Variants in NPHS1 observed in about 807,000 individuals in gnomAD.
The protein encoded by NPHS1 is nephrin.
In NPHS1, 107 loss-of-function variants were observed where a neutral mutation model predicts 139.7. The observed-to-expected ratio is 0.77, with a 90% CI of 0.66 to 0.90. The LOEUF (loss-of-function observed/expected upper bound fraction) is 0.90. Ranked by LOEUF, NPHS1 falls within the 40% of genes least tolerant of loss-of-function variation. The probability of loss-of-function intolerance (pLI) is 0.00; values close to 1 mark genes in which losing one functional copy is unlikely to be tolerated. For synonymous variants in NPHS1, 707 were observed against 706.6 expected, an observed-to-expected ratio of 1.00 and a Z score of -0.01; for missense variants, 1,580 against 1,654.2, an observed-to-expected ratio of 0.96 and a Z score of 0.78.
rs777792087 is a variant in NPHS1, at chr19:35,845,731, C to T, written c.1695G>A (p.Leu565=). The T allele has an allele frequency of 6.2e-7, 1 of 1,614,144 alleles. No individual in the cohort carries two copies. Among genetic ancestry groups the T allele is most frequent in the Admixed American group, 1.7e-5 (1 of 60,032 alleles). The change falls in exon 13 of 29, where the codon TTG becomes TTA. Residue 565 remains leucine (L), a synonymous_variant. Transcript: ENST00000378910. This position sits in a 1 kb window ranked among gnomAD's most constrained non-coding sequence, Gnocchi z 5.5. ...SALRPGDALN[L]TCVSVSSNPP... ...GATTGCTGCTGACGCTGACGCATGT[C>T]AAGTTTAAGGCGTCTCCCGGGCGCA...
rs1176615732 is a variant in NPHS1 at position 35,839,603 on chromosome 19, G to A, written c.2820C>T (p.Arg940=). The change falls in exon 21 of 29, where the codon CGC becomes CGT. Residue 940 remains arginine (R), a synonymous_variant. Coordinates refer to ENST00000378910, the MANE Select transcript of NPHS1 (RefSeq NM_004646.4). ...CCTTTAATCCTGATGGAGGGTCAGGGCGGCCTATGGGGAGAAAGATGGGAA... is the reference window on the plus strand; with the variant it reads ...CCTTTAATCCTGATGGAGGGTCAGGACGGCCTATGGGGAGAAAGATGGGAA... The part of the protein sequence containing the change: ...QTNIQLVSIS[R]PDPPSGLKVV... 1 of 1,613,440 alleles carries A rather than the reference G, an allele frequency of 6.2e-7. No individual in the cohort carries two copies. Among genetic ancestry groups the A allele is most frequent in the South Asian group, 1.1e-5 (1 of 91,062 alleles).
intron 28 of NPHS1, among the ~76,000 whole-genome samples, chr19:35,829,279 G>A (rs1315874867): frequency 6.6e-6 from 1 of 152,234 alleles, no homozygotes; most frequent in African/African-American, 2.4e-5. Flanking sequence ...GACCAATTAA[G>A]TGTCAGCATT....
At chr19:35,833,695 A>G (rs1314926000) in intron 23 of NPHS1, among the ~76,000 whole-genome samples, 1 of 151,378 alleles carries the variant, frequency 6.6e-6, no homozygotes, top group African/African-American at 2.4e-5. Context: ...ATATACCAAG[A>G]CTTTTTCTTT....
Position 35,841,676 on chromosome 19 carries a change from G to A in NPHS1, c.2815+39C>T, listed in dbSNP as rs773901383. 10 of 1,612,156 alleles carry A rather than the reference G, an allele frequency of 6.2e-6. No individual in the cohort carries two copies. In the African/African-American group the frequency reaches 1.3e-4, roughly 22 times the overall value. Reference sequence around the variant, plus strand: ...TCAGGGATGTGGGAATGGATCCAGGGAGCACCCCCTCCCCAACACCCTCAC... The same window carrying A: ...TCAGGGATGTGGGAATGGATCCAGGAAGCACCCCCTCCCCAACACCCTCAC... On this transcript the variant is annotated intron_variant, in intron 20 of 28. Coordinates refer to ENST00000378910, the MANE Select transcript of NPHS1 (RefSeq NM_004646.4).
Position 35,845,549 on chromosome 19 carries a change from C to G in NPHS1, c.1758-9G>C. On this transcript the variant is annotated splice_polypyrimidine_tract_variant and intron_variant, in intron 13 of 28. Coordinates refer to ENST00000378910, the MANE Select transcript of NPHS1 (RefSeq NM_004646.4). This position sits in a 1 kb window ranked among gnomAD's most constrained non-coding sequence, Gnocchi z 5.5. ...CGGCCACGCCCTCCAGCCTGTGGAA[C>G]CGGGGTCAAGCCAGGGCTGCGAGCG... is the stretch of plus-strand genomic sequence containing the variant. 1.2e-6 allele frequency: 2 copies of G among 1,611,618 alleles called. No homozygotes were observed. The highest frequency in any genetic ancestry group is 2.2e-5 in the South Asian group (2 of 90,784).
At chr19:35,850,918 A>G in intron 4 of NPHS1, 43 bp downstream of exon 4, 1 of 1,611,844 alleles carries the variant, frequency 6.2e-7, no homozygotes, top group Non-Finnish European at 8.5e-7. Context: ...CCCACTCCAG[A>G]GGCTTCATGC....
In NPHS1 at chr19:35,845,376, T is replaced by C. The variant is rs780755890; in HGVS notation, c.1922A>G (p.Asn641Ser). The C allele has an allele frequency of 4.3e-6, 7 of 1,614,088 alleles. No individual in the cohort carries two copies. The highest frequency in any genetic ancestry group is 2.2e-5 in the East Asian group (1 of 44,902). Residue 641 changes from asparagine (N) to serine (S), a missense_variant, in exon 14 of 29, where the codon AAC becomes AGC. Physicochemically the swap from Asn to Ser is conservative, Grantham distance 46. Transcript: ENST00000378910. This position sits in a 1 kb window ranked among gnomAD's most constrained non-coding sequence, Gnocchi z 5.5. ...RETVSSFYRLNVLYRPEFLGE... is the reference protein window; with the variant it reads ...RETVSSFYRLSVLYRPEFLGE... Reference sequence around the variant, plus strand: ...CAGGCCGGGGCACATACACAGTACGTTGAGGCGATAGAAGGAGCTCACGGT... The same window carrying C: ...CAGGCCGGGGCACATACACAGTACGCTGAGGCGATAGAAGGAGCTCACGGT...
chr19:35,843,084 C>A (rs1450880438), intron 17 of NPHS1, among the ~76,000 whole-genome samples: 2 of 152,138 alleles, frequency 1.3e-5, no homozygotes, highest in African/African-American at 4.8e-5. Context: ...AGATATCTTT[C>A]CTCTGATGGT....
intron 23 of NPHS1, among the ~76,000 whole-genome samples, chr19:35,834,673 T>C (rs997467604): frequency 4.0e-5 from 6 of 150,456 alleles, no homozygotes; most frequent in African/African-American, 1.5e-4. Flanking sequence ...GGGTGAATCA[T>C]GAGGTCAGGA....
intron 20 of NPHS1, among the ~76,000 whole-genome samples, 176 bp downstream of exon 20, chr19:35,841,539 T>G (rs1461946533): frequency 6.6e-6 from 1 of 152,152 alleles, no homozygotes; most frequent in African/African-American, 2.4e-5. Flanking sequence ...GCCTTTGTTG[T>G]GGGTCTTCCT....
chr19:35,831,697 C>A lies in NPHS1; in HGVS notation c.3232G>T (p.Ala1078Ser). 6.2e-7 allele frequency: 1 copy of A among 1,605,666 alleles called. No individual in the cohort carries two copies. Among genetic ancestry groups the A allele is most frequent in the Non-Finnish European group, 8.5e-7 (1 of 1,176,422 alleles). Residue 1078 changes from alanine to serine, a missense_variant, in exon 24 of 29, where the codon GCC becomes TCC. Ala to Ser is a moderately conservative substitution (Grantham distance 99, BLOSUM62 1). Transcript: ENST00000378910. ...ALGGLLLLSN[A>S]SCVGGVLWQR... ...CAGAGGACCCCCCCGACACAGGAGG[C>A]ATTGGAGAGGAGCAGAAGCCCCCCA...
In NPHS1 at chr19:35,839,489, G is replaced by A; in HGVS notation, c.2927+7C>T. The A allele has an allele frequency of 6.2e-7, 1 of 1,613,744 alleles. No homozygotes were observed. Among genetic ancestry groups the A allele is most frequent in the South Asian group, 1.1e-5 (1 of 91,066 alleles). ...TTCCCTTCCCTCCTGCCTCGACAAG[G>A]ACCCACCTGATGCAGAACCTCTGTG... On this transcript the variant is annotated splice_region_variant and intron_variant, in intron 21 of 28. Transcript: ENST00000378910.
At chr19:35,836,562 T>G (rs1972964708) in intron 22 of NPHS1, among the ~76,000 whole-genome samples, 1 of 152,064 alleles carries the variant, frequency 6.6e-6, no homozygotes, top group Non-Finnish European at 1.5e-5. Flanking sequence ...AGGAGGCAAG[T>G]GTCATACTTT....
At chr19:35,834,953 T>C (rs1201076239) in intron 23 of NPHS1, among the ~76,000 whole-genome samples, 2 of 150,514 alleles carry the variant, frequency 1.3e-5, no homozygotes, top group African/African-American at 2.4e-5. Flanking sequence ...ATCCCAGCAC[T>C]TTGGGAAGCT....
chr19:35,835,484 A>G (rs1205929669), intron 23 of NPHS1, among the ~76,000 whole-genome samples: 1 of 151,702 alleles, frequency 6.6e-6, no homozygotes, highest in African/African-American at 2.4e-5. Context: ...TTTTGCAAAG[A>G]TGGAGTCTTG....
intron 14 of NPHS1, among the ~76,000 whole-genome samples, chr19:35,844,701 G>C (rs1403588046): frequency 6.6e-6 from 1 of 152,144 alleles, no homozygotes; most frequent in African/African-American, 2.4e-5. Flanking sequence ...AGTCATGAGG[G>C]GGGTTAGGAG....
chr19:35,848,739 G>C lies in NPHS1; in HGVS notation c.1068C>G (p.Asn356Lys). The C allele has an allele frequency of 6.2e-7, 1 of 1,614,152 alleles. No individual in the cohort carries two copies. The highest frequency in any genetic ancestry group is 8.5e-7 in the Non-Finnish European group (1 of 1,180,028). ...ACTTGCTGACACAGGAGAGTGTCACGTTCTTGTTCTCAGTCTGGGATGCAG... is the reference window on the plus strand; with the variant it reads ...ACTTGCTGACACAGGAGAGTGTCACCTTCTTGTTCTCAGTCTGGGATGCAG... Reference protein sequence around the residue: ...LGSASQTENKNVTLSCVSKSS... With the variant: ...LGSASQTENKKVTLSCVSKSS... The change falls in exon 9 of 29, where the codon AAC (asparagine) becomes AAG (lysine). Residue 356 changes from asparagine (N) to lysine (K), a missense_variant. Transcript: ENST00000378910.
intron 28 of NPHS1, among the ~76,000 whole-genome samples, chr19:35,829,825 C>T (rs1972851170): frequency 6.6e-6 from 1 of 151,724 alleles, no homozygotes; most frequent in African/African-American, 2.4e-5. Flanking sequence ...TGGTGTGAGC[C>T]ACCATGCTCG....
chr19:35,843,355 G>A (rs1973087687), intron 17 of NPHS1, 117 bp downstream of exon 17: 23 of 1,271,042 alleles, frequency 1.8e-5, no homozygotes, highest in Non-Finnish European at 2.5e-5. Context: ...ATGCCCTGGC[G>A]AGTATATAGT....
Sources: allele counts gnomAD v4.1 joint callset (sites outside exome capture counted in the v4.1 genomes callset), GRCh38; gene constraint gnomAD v4.1.1; non-coding constraint Gnocchi (gnomAD v3.1); transcripts MANE v1.5; gene names NCBI Gene and HGNC (gene_info 2026-07-23, HGNC 2026-07-21).